Variants in COBL observed in about 807,000 individuals in gnomAD.
The protein encoded by COBL is cordon-bleu WH2 repeat protein.
A neutral mutation model predicts 98.8 loss-of-function variants in COBL; 51 were observed. The ratio of observed to expected loss-of-function variants is 0.52; its 90% confidence interval spans 0.41 to 0.65. The LOEUF (loss-of-function observed/expected upper bound fraction) is 0.65, where lower values mean the gene tolerates loss of function less well. Among genes scored for constraint, COBL ranks in the 30% least tolerant of loss-of-function variants. The pLI is 0.00. For missense variants in COBL, 1,617 were observed against 1,617.5 expected (o/e 1.00, Z 0.01); for synonymous variants, 634 against 651.7 (o/e 0.97, Z 0.41).
At chr7:51,183,982 AG>A (rs1440131065) in intron 5 of COBL, 119 bp downstream of exon 5, 4 of 508,276 alleles carry the variant, frequency 7.9e-6, no homozygotes, top group Non-Finnish European at 1.4e-5. Context: ...TTTTACCTGA[AG>A]GAATTAGTAT....
At position 51,284,862 on chromosome 7, in the gene COBL, A is replaced by G. The variant is rs1175704572; in HGVS notation, c.41+31731T>C. Among the ~76,000 whole-genome samples, 5 of 152,124 alleles carry G rather than the reference A, an allele frequency of 3.3e-5. No homozygotes were observed. The East Asian group carries it at 7.7e-4, about 24-fold the overall frequency. On this transcript the variant is annotated intron_variant, in intron 1 of 12. Transcript: ENST00000265136. Reference sequence around the variant, plus strand: ...AAAGGTATAAAAAAACCTACCTCCAATATCAAGCTTCACAAAGAAAGACTG... The same window carrying G: ...AAAGGTATAAAAAAACCTACCTCCAGTATCAAGCTTCACAAAGAAAGACTG...
rs911320900 is a variant in COBL, at chr7:51,016,823, G to A, written c.*728C>T. 2 of 397,926 alleles carry A rather than the reference G, an allele frequency of 5.0e-6. No individual in the cohort carries two copies. Among genetic ancestry groups the A allele is most frequent in the Admixed American group, 4.4e-5 (1 of 22,742 alleles). The allele number at this position is 397,926 out of a possible 1,614,324, so 24.6% of individuals were successfully genotyped here. A position where few individuals can be genotyped will look rare whatever the true frequency, so the allele number is the denominator to read the frequency against. ...GGCACTGCCCATCCACTCCAGTGGT[G>A]GTGTGACCTCAGCCACCCGCCACCC... On this transcript the variant is annotated 3_prime_UTR_variant, in exon 13 of 13. Coordinates refer to ENST00000265136, the MANE Select transcript of COBL (RefSeq NM_015198.5).
chr7:51,246,165 C>A (rs901391540), intron 1 of COBL, among the ~76,000 whole-genome samples: 1 of 152,012 alleles, frequency 6.6e-6, no homozygotes, highest in African/African-American at 2.4e-5. Flanking sequence ...AGCCTTAATG[C>A]AGAAAAGCAA....
chr7:51,290,416 A>T (rs1800784109), intron 1 of COBL, among the ~76,000 whole-genome samples: 1 of 152,072 alleles, frequency 6.6e-6, no homozygotes, highest in African/African-American at 2.4e-5. Flanking sequence ...TGAAACCTGC[A>T]ATGTCACAAC....
chr7:51,161,660 T>C (rs865783539), intron 5 of COBL, among the ~76,000 whole-genome samples: 14 of 152,182 alleles, frequency 9.2e-5, no homozygotes, highest in African/African-American at 3.4e-4. Flanking sequence ...TTTTTAACTC[T>C]TTTACCAGAA....
intron 6 of COBL, among the ~76,000 whole-genome samples, chr7:51,101,955 G>A (rs1297039417): frequency 1.3e-5 from 2 of 152,086 alleles, no homozygotes; most frequent in Non-Finnish European, 2.9e-5. Context: ...TGGTAAGTTG[G>A]TGAAGCCTTC....
At chr7:51,052,146 G>C (rs1790310591) in intron 7 of COBL, among the ~76,000 whole-genome samples, 1 of 152,088 alleles carries the variant, frequency 6.6e-6, no homozygotes, top group Non-Finnish European at 1.5e-5. Context: ...CCTGTAGTGT[G>C]GATATTATTA....
At chr7:51,247,576 G>A (rs1796362906) in intron 1 of COBL, among the ~76,000 whole-genome samples, 1 of 152,130 alleles carries the variant, frequency 6.6e-6, no homozygotes, top group Non-Finnish European at 1.5e-5. Context: ...AGGTGACTAT[G>A]GAAGCATCTC....
chr7:51,100,625 G>A (rs2128961860), intron 6 of COBL, among the ~76,000 whole-genome samples: 1 of 152,372 alleles, frequency 6.6e-6, no homozygotes, highest in African/African-American at 2.4e-5. Context: ...TTTTGGCTGA[G>A]TGCAGTGGCT....
chr7:51,082,622 G>A (rs1159151564), intron 7 of COBL, among the ~76,000 whole-genome samples: 1 of 152,152 alleles, frequency 6.6e-6, no homozygotes, highest in Non-Finnish European at 1.5e-5. Context: ...TGGCGACAGA[G>A]TTCCACAGCT....
intron 1 of COBL, among the ~76,000 whole-genome samples, chr7:51,269,317 C>A (rs1480826720): frequency 2.6e-5 from 4 of 152,180 alleles, no homozygotes; most frequent in Non-Finnish European, 5.9e-5. Context: ...TGCATCCACA[C>A]AGGGGACAGA....
chr7:51,102,284 T>C (rs1795878249), intron 6 of COBL, among the ~76,000 whole-genome samples: 1 of 152,198 alleles, frequency 6.6e-6, no homozygotes, highest in South Asian at 2.1e-4. Flanking sequence ...GCAGAAACAG[T>C]GACGGATTTC....
intron 5 of COBL, among the ~76,000 whole-genome samples, chr7:51,171,030 T>C (rs1490749969): frequency 1.3e-5 from 2 of 152,136 alleles, no homozygotes; most frequent in Admixed American, 6.5e-5. Context: ...CCCATAAATA[T>C]GTACAATGAT....
intron 2 of COBL, among the ~76,000 whole-genome samples, chr7:51,198,801 C>T (rs1790832851): frequency 6.6e-6 from 1 of 152,116 alleles, no homozygotes; most frequent in South Asian, 2.1e-4. Context: ...CTCATGTACC[C>T]CAACAGAAAA....
At chr7:51,163,639 A>G (rs1787027841) in intron 5 of COBL, among the ~76,000 whole-genome samples, 2 of 152,234 alleles carry the variant, frequency 1.3e-5, no homozygotes, top group Admixed American at 1.3e-4. Context: ...AAAACACCTC[A>G]TATCAATAAT....
Position 51,016,860 on chromosome 7 carries a change from G to A in COBL, c.*691C>T, listed in dbSNP as rs547649572. The A allele has an allele frequency of 7.0e-5, 28 of 398,550 alleles. No individual in the cohort carries two copies. Among genetic ancestry groups the A allele is most frequent in the South Asian group, 2.6e-4 (2 of 7,662 alleles). 24.7% of individuals were successfully genotyped at this position (398,550 alleles called of 1,614,324 possible). A position where few individuals can be genotyped will look rare whatever the true frequency, so the allele number is the denominator to read the frequency against. On this transcript the variant is annotated 3_prime_UTR_variant, in exon 13 of 13. Transcript: ENST00000265136. ...GCCACCCGCCACCCTTGCAGGACTC[G>A]GGCATGCCCTGGCCACATGATCACG...
chr7:51,097,505 G>A (rs1482586180), intron 6 of COBL, among the ~76,000 whole-genome samples: 1 of 152,098 alleles, frequency 6.6e-6, no homozygotes, highest in African/African-American at 2.4e-5. Context: ...CGGAAGAAGT[G>A]AAATTATTCC....
Position 51,306,992 on chromosome 7 carries a change from G to A in COBL, c.41+9601C>T, listed in dbSNP as rs749327320. The stretch of plus-strand genomic sequence containing the variant: ...AATGTGGCCTAGCAGAGTGGCCAAC[G>A]ATGAGGACGTGGACACTGACGAGAG... On this transcript the variant is annotated intron_variant, in intron 1 of 12. Transcript: ENST00000265136. 2.6e-5 allele frequency among the ~76,000 whole-genome samples: 4 copies of A among 152,194 alleles called. No individual in the cohort carries two copies. The East Asian group carries it at 5.8e-4, about 22-fold the overall frequency.
intron 7 of COBL, among the ~76,000 whole-genome samples, chr7:51,067,232 GATGT>G (rs1792024600): frequency 6.6e-6 from 1 of 152,144 alleles, no homozygotes; most frequent in South Asian, 2.1e-4. Flanking sequence ...TATACACATG[GATGT>G]ATGAGTGCAC....
Sources: gnomAD v4.1 joint callset for allele counts (sites outside exome capture counted in the v4.1 genomes callset) on GRCh38, gnomAD v4.1.1 for gene constraint, MANE v1.5 for transcripts, NCBI Gene and HGNC (gene_info 2026-07-23, HGNC 2026-07-21) for gene names.